Variants in DNAH14 observed in about 807,000 individuals in gnomAD.
DNAH14 encodes dynein axonemal heavy chain 14.
A neutral mutation model predicts 520.9 loss-of-function variants in DNAH14; 478 were observed. The observed-to-expected ratio is 0.92, with a 90% CI of 0.85 to 0.99. The LOEUF (loss-of-function observed/expected upper bound fraction) is 0.99, where lower values mean the gene tolerates loss of function less well. Ranked by LOEUF, DNAH14 falls within the 50% of genes least tolerant of loss-of-function variation. The pLI, the probability that DNAH14 is intolerant of heterozygous loss-of-function variation, is 0.00. For synonymous variants in DNAH14, 1,581 were observed against 1,757.2 expected (o/e 0.90, Z 2.51); for missense variants, 4,831 against 5,234.5 (o/e 0.92, Z 2.38).
chr1:225,080,414 A>G lies in DNAH14; in HGVS notation c.2802A>G (p.Gln934=). ...RTPLLLCAGT[Q]VSTAMEMIQT... Reference sequence around the variant, plus strand: ...CTCTTCTGTTATGTGCTGGTACTCAAGTGTCAACAGCAATGGAAATGATCC... The same window carrying G: ...CTCTTCTGTTATGTGCTGGTACTCAGGTGTCAACAGCAATGGAAATGATCC... Residue 934 remains glutamine, a synonymous_variant, in exon 19 of 86, where the codon CAA becomes CAG. Coordinates refer to ENST00000682510, the MANE Select transcript of DNAH14 (RefSeq NM_001367479.1). 5 of 1,548,950 alleles carry G rather than the reference A, an allele frequency of 3.2e-6. No homozygotes were observed. Among genetic ancestry groups the G allele is most frequent in the Non-Finnish European group, 4.4e-6 (5 of 1,145,752 alleles).
chr1:225,191,419 C>T (rs1359047890), intron 37 of DNAH14, among the ~76,000 whole-genome samples: 2 of 151,960 alleles, frequency 1.3e-5, no homozygotes, highest in Non-Finnish European at 2.9e-5. Context: ...GGCCTTTGTG[C>T]TTTCTGATGA....
At chr1:225,008,087 G>A (rs931684414) in intron 10 of DNAH14, among the ~76,000 whole-genome samples, 1 of 149,080 alleles carries the variant, frequency 6.7e-6, no homozygotes, top group Non-Finnish European at 1.5e-5. Flanking sequence ...CCCCAACCCC[G>A]CGACATGCCC....
chr1:225,215,999 A>T (rs11487469), intron 41 of DNAH14, among the ~76,000 whole-genome samples: 23,478 of 152,124 alleles, frequency 0.15, 2,139 homozygotes, highest in East Asian at 0.36. Flanking sequence ...CTCAATGGTC[A>T]TTACAATTTG....
intron 27 of DNAH14, among the ~76,000 whole-genome samples, chr1:225,133,641 G>T (rs958619223): frequency 1.3e-5 from 2 of 152,148 alleles, no homozygotes; most frequent in African/African-American, 4.8e-5. Context: ...TTGTAGTATA[G>T]TTTGAAGTCA....
At chr1:225,126,549 T>C (rs1222595822) in intron 27 of DNAH14, among the ~76,000 whole-genome samples, 1 of 152,222 alleles carries the variant, frequency 6.6e-6, no homozygotes, top group African/African-American at 2.4e-5. Flanking sequence ...GGATTGGTGG[T>C]GATATCCCCT....
chr1:225,104,197 C>G (rs1553449211), intron 23 of DNAH14, among the ~76,000 whole-genome samples: 1 of 152,084 alleles, frequency 6.6e-6, no homozygotes, highest in Non-Finnish European at 1.5e-5. Flanking sequence ...TTATTGATTT[C>G]CATATGTTAA....
chr1:225,244,815 A>C (rs1574259001), intron 43 of DNAH14, among the ~76,000 whole-genome samples: 1 of 152,028 alleles, frequency 6.6e-6, no homozygotes, highest in Admixed American at 6.6e-5. Context: ...TGGATGGTTG[A>C]TCTTATGAAG....
At chr1:225,106,064 TA>T (rs932278344) in intron 23 of DNAH14, among the ~76,000 whole-genome samples, 13 of 145,370 alleles carry the variant, frequency 8.9e-5, no homozygotes, top group Middle Eastern at 6.8e-3. Context: ...GGAGCACTTT[TA>T]GGGCAGGCCT....
In DNAH14 at chr1:225,335,325, A is replaced by G. The variant is rs1269860930; in HGVS notation, c.10080+1819A>G. ...TGTGTACACGTGTGTATATGCACAT[A>G]TACACGTGTGTACATGTGTGTGTAT... On this transcript the variant is annotated intron_variant, in intron 66 of 85. Coordinates refer to ENST00000682510, the MANE Select transcript of DNAH14 (RefSeq NM_001367479.1). 3.5e-5 allele frequency among the ~76,000 whole-genome samples: 4 copies of G among 114,172 alleles called. 1 individual carries two copies. The highest frequency in any genetic ancestry group is 3.1e-4 in the South Asian group (1 of 3,230). The allele number at this position is 114,172 out of a possible 152,430, so 74.9% of individuals were successfully genotyped here.
At chr1:225,089,358 C>T (rs1027744813) in intron 21 of DNAH14, among the ~76,000 whole-genome samples, 10 of 146,358 alleles carry the variant, frequency 6.8e-5, no homozygotes, top group Admixed American at 1.4e-4. Flanking sequence ...GCAGGAGAAT[C>T]GCTTGAAGCC....
rs186060594 is a variant in DNAH14 at position 225,215,677 on chromosome 1, G to T, written c.6439+8457G>T. Among the ~76,000 whole-genome samples, 1,180 of 152,126 alleles carry T rather than the reference G, an allele frequency of 7.8e-3. 4 individuals carry two copies. The highest frequency in any genetic ancestry group is 0.021 in the South Asian group (102 of 4,802). ...GCCTTCTTTGTCTCTTTTGATCTTT[G>T]TTGATTTAAAGTCTGTTTTATTAGA... On this transcript the variant is annotated intron_variant, in intron 41 of 85. Transcript: ENST00000682510.
At chr1:225,073,944 G>A (rs1343547498) in intron 17 of DNAH14, among the ~76,000 whole-genome samples, 1 of 146,100 alleles carries the variant, frequency 6.8e-6, no homozygotes, top group South Asian at 2.2e-4. Flanking sequence ...GCCTCCCAAA[G>A]TACTGGGATT....
intron 77 of DNAH14, among the ~76,000 whole-genome samples, chr1:225,373,872 T>C (rs1395549671): frequency 6.6e-6 from 1 of 151,610 alleles, no homozygotes; most frequent in Non-Finnish European, 1.5e-5. Context: ...ATGCCTGTAA[T>C]CTCAGCACTT....
intron 55 of DNAH14, among the ~76,000 whole-genome samples, chr1:225,293,308 A>G (rs939261313): frequency 6.6e-6 from 1 of 152,202 alleles, no homozygotes; most frequent in Admixed American, 6.5e-5. Context: ...TCAACCCAGC[A>G]ATCCCATTAG....
intron 37 of DNAH14, among the ~76,000 whole-genome samples, chr1:225,186,989 GT>G (rs975164607): frequency 2.3e-4 from 35 of 151,762 alleles, no homozygotes; most frequent in African/African-American, 8.4e-4. Context: ...CTTTATTTTA[GT>G]TTAGTTTTGT....
chr1:225,337,328 G>T lies in DNAH14; in HGVS notation c.10143G>T (p.Leu3381Phe). ...AGTATTCAGTAGAGAATGCCATCTT[G>T]ATCAAGAATGGCCAGCAGTGGCCAC... ...HGQYSVENAI[L>F]IKNGQQWPLL... Residue 3381 changes from leucine (L) to phenylalanine (F), a missense_variant, in exon 67 of 86, where the codon TTG (leucine) becomes TTT (phenylalanine). Leu to Phe is a conservative substitution (Grantham distance 22). Transcript: ENST00000682510. The T allele has an allele frequency of 6.4e-7, 1 of 1,551,806 alleles. No individual in the cohort carries two copies. The highest frequency in any genetic ancestry group is 8.7e-7 in the Non-Finnish European group (1 of 1,147,002).
At chr1:225,230,169 G>A (rs2090964372) in intron 41 of DNAH14, among the ~76,000 whole-genome samples, 3 of 152,060 alleles carry the variant, frequency 2.0e-5, no homozygotes, top group Admixed American at 2.0e-4. Flanking sequence ...TGCATTCATA[G>A]CAGAATTACT....
In DNAH14 at chr1:225,204,223, A is replaced by G. The variant is rs748271438; in HGVS notation, c.5927A>G (p.Asp1976Gly). 113 of 1,492,424 alleles carry G rather than the reference A, an allele frequency of 7.6e-5. No homozygotes were observed. In the African/African-American group the frequency reaches 1.4e-3, roughly 18 times the overall value. 92.4% of individuals were successfully genotyped at this position (1,492,424 alleles called of 1,614,324 possible). A position where few individuals can be genotyped will look rare whatever the true frequency, so the allele number is the denominator to read the frequency against. ...LDSSDTTETD[D>G]NIFEEIEKVV... ...TCCTCTGATACAACAGAGACTGATG[A>G]TAATATTTTTGAGGAGATAGAGAAA... The change falls in exon 39 of 86, where the codon GAT (aspartate) becomes GGT (glycine). Residue 1976 changes from aspartate (D) to glycine (G), a missense_variant. By Grantham distance (94) the Asp-to-Gly change is moderately conservative (BLOSUM62 -1). Coordinates refer to ENST00000682510, the MANE Select transcript of DNAH14 (RefSeq NM_001367479.1).
At chr1:225,123,164 T>C (rs2077427204) in intron 26 of DNAH14, among the ~76,000 whole-genome samples, 1 of 152,222 alleles carries the variant, frequency 6.6e-6, no homozygotes, top group Non-Finnish European at 1.5e-5. Context: ...TTACTGTTAC[T>C]CATCTGGTAG....
Sources: allele counts gnomAD v4.1 joint callset (sites outside exome capture counted in the v4.1 genomes callset), GRCh38; gene constraint gnomAD v4.1.1; transcripts MANE v1.5; gene names NCBI Gene and HGNC (gene_info 2026-07-23, HGNC 2026-07-21).